The following IPO11 variants were observed in gnomAD, a reference collection of about 807,000 sequenced individuals.
IPO11 encodes the protein importin 11.
IPO11 carries 66 observed loss-of-function variants against 143.2 expected under a neutral mutation model. That is an observed-to-expected ratio of 0.46 (90% CI 0.38 to 0.57). The LOEUF (loss-of-function observed/expected upper bound fraction) is 0.57, where lower values mean the gene tolerates loss of function less well. IPO11 is among the 20% of genes least tolerant of loss of function. The pLI is 0.00. For missense variants in IPO11, 1,026 were observed against 1,141.0 expected (o/e 0.90, Z 1.45); for synonymous variants, 385 against 377.8 (o/e 1.02, Z -0.22).
chr5:62,439,284 G>GTTTTTTTTTTTTTTTTTTTTT (rs1226593063), intron 2 of IPO11, among the ~76,000 whole-genome samples: 4 of 90,924 alleles, frequency 4.4e-5, no homozygotes, highest in African/African-American at 8.9e-5. Flanking sequence ...AACTGCGTAG[G>GTTTTTTTTTTTTTTTTTTTTT]TTTTTTTTTT....
intron 16 of IPO11, among the ~76,000 whole-genome samples, chr5:62,503,403 A>ATAGTATCTATTAATATATTG (rs1210037859): frequency 6.8e-6 from 1 of 147,510 alleles, no homozygotes; most frequent in African/African-American, 2.5e-5. Context: ...TTAATATATT[A>ATAGTATCTATTAATATATTG]ATAGTATCTA....
At chr5:62,531,362 G>T (rs934226713) in intron 22 of IPO11, among the ~76,000 whole-genome samples, 2 of 152,118 alleles carry the variant, frequency 1.3e-5, no homozygotes, top group African/African-American at 4.8e-5. Context: ...TGGAGATGGA[G>T]TTTCACTCTT....
At chr5:62,475,561 C>T (rs1745927930) in intron 8 of IPO11, among the ~76,000 whole-genome samples, 1 of 152,194 alleles carries the variant, frequency 6.6e-6, no homozygotes, top group South Asian at 2.1e-4. Context: ...ATTTCTACTG[C>T]AGCTACCCCT....
intron 19 of IPO11, 32 bp downstream of exon 19, chr5:62,506,389 A>T: frequency 4.2e-4 from 370 of 890,288 alleles, no homozygotes; most frequent in Non-Finnish European, 6.1e-4. Flanking sequence ...AAAATAAATG[A>T]GGGGTGGGTA....
At chr5:62,619,586 G>A (rs1276477572) in intron 29 of IPO11, among the ~76,000 whole-genome samples, 1 of 152,122 alleles carries the variant, frequency 6.6e-6, no homozygotes, top group African/African-American at 2.4e-5. Flanking sequence ...GGGCGTGGTG[G>A]CTCACGCTTG....
At chr5:62,575,819 T>TA (rs1744295941) in intron 27 of IPO11, 1 of 152,234 alleles carries the variant, frequency 6.6e-6, no homozygotes, top group Non-Finnish European at 1.5e-5. Flanking sequence ...TTGCAACTGA[T>TA]AAGAGGTCTA....
At chr5:62,545,450 A>T (rs1743134763) in intron 24 of IPO11, among the ~76,000 whole-genome samples, 1 of 152,218 alleles carries the variant, frequency 6.6e-6, no homozygotes, top group South Asian at 2.1e-4. Flanking sequence ...AAATTAATTC[A>T]AGATGGATTA....
At chr5:62,619,086 G>A (rs893644227) in intron 29 of IPO11, among the ~76,000 whole-genome samples, 8 of 152,010 alleles carry the variant, frequency 5.3e-5, no homozygotes, top group African/African-American at 1.7e-4. Flanking sequence ...AGCCAGGCAT[G>A]GTATTGCACG....
intron 1 of IPO11, among the ~76,000 whole-genome samples, chr5:62,428,133 C>T (rs1743827726): frequency 6.6e-6 from 1 of 152,142 alleles, no homozygotes; most frequent in Non-Finnish European, 1.5e-5. Context: ...CATTCTTTCA[C>T]CTTGCTTTAA....
Position 62,490,104 on chromosome 5 carries a change from T to A in IPO11, c.1358-11T>A. ...AAACCTTTAATTTTTTTTCTTAAAT[T>A]TTCTTCTCAGTGTATAATGCTGTTG... is the stretch of plus-strand genomic sequence containing the variant. On this transcript the variant is annotated splice_polypyrimidine_tract_variant and intron_variant, in intron 14 of 29. Transcript: ENST00000325324. 1 of 1,525,964 alleles carries A rather than the reference T, an allele frequency of 6.6e-7. No individual in the cohort carries two copies. Among genetic ancestry groups the A allele is most frequent in the Non-Finnish European group, 8.8e-7 (1 of 1,136,454 alleles). 94.5% of individuals were successfully genotyped at this position (1,525,964 alleles called of 1,614,324 possible). A position where few individuals can be genotyped will look rare whatever the true frequency, so the allele number is the denominator to read the frequency against.
chr5:62,566,708 A>G (rs1199263989), intron 27 of IPO11, among the ~76,000 whole-genome samples: 1 of 151,122 alleles, frequency 6.6e-6, no homozygotes, highest in East Asian at 1.9e-4. Flanking sequence ...ACTGCACTCC[A>G]GCCTGGGTGA....
intron 5 of IPO11, among the ~76,000 whole-genome samples, chr5:62,459,689 T>C (rs1191530594): frequency 1.3e-5 from 2 of 152,118 alleles, no homozygotes; most frequent in Non-Finnish European, 2.9e-5. Flanking sequence ...TAGCTGGGAC[T>C]ACAGGCGTGT....
chr5:62,528,570 A>C (rs1026079337), intron 21 of IPO11, among the ~76,000 whole-genome samples: 2 of 152,124 alleles, frequency 1.3e-5, no homozygotes, highest in Non-Finnish European at 2.9e-5. Context: ...TTCAGAGCTC[A>C]AGTGGAGGGG....
chr5:62,439,966 T>C (rs925446994), intron 2 of IPO11, among the ~76,000 whole-genome samples: 2 of 152,234 alleles, frequency 1.3e-5, no homozygotes, highest in Non-Finnish European at 2.9e-5. Flanking sequence ...TTGACTTTTC[T>C]TATTTTTGTA....
At chr5:62,548,278 C>T (rs1743276002) in intron 24 of IPO11, among the ~76,000 whole-genome samples, 5 of 152,106 alleles carry the variant, frequency 3.3e-5, no homozygotes, top group Admixed American at 3.3e-4. Flanking sequence ...ACTAAACTGT[C>T]TGACAGATGT....
At chr5:62,485,079 T>C (rs1376938556) in intron 11 of IPO11, among the ~76,000 whole-genome samples, 1 of 152,208 alleles carries the variant, frequency 6.6e-6, no homozygotes, top group East Asian at 1.9e-4. Flanking sequence ...ATGATTACTG[T>C]ATTGAAATGA....
intron 29 of IPO11, among the ~76,000 whole-genome samples, chr5:62,605,803 C>T (rs1231057575): frequency 6.6e-6 from 1 of 151,690 alleles, no homozygotes; most frequent in Non-Finnish European, 1.5e-5. Flanking sequence ...TGGGTGCAAA[C>T]ATGGTTTACT....
At position 62,442,964 on chromosome 5, in the gene IPO11, TTA is replaced by T. The variant is rs1561312697; in HGVS notation, c.139-17_139-16del. ...TACTTATTCCATGCTAATTCTAATA[TTA>T]TGTTTTTTATTTATAGAATATTTTC... On this transcript the variant is annotated splice_polypyrimidine_tract_variant and intron_variant, in intron 2 of 29. Transcript: ENST00000325324. 2 of 1,372,140 alleles carry T rather than the reference TTA, an allele frequency of 1.5e-6. No individual in the cohort carries two copies. Among genetic ancestry groups the T allele is most frequent in the South Asian group, 2.4e-5 (2 of 81,900 alleles). The allele number at this position is 1,372,140 out of a possible 1,614,324, so 85.0% of individuals were successfully genotyped here. A position where few individuals can be genotyped will look rare whatever the true frequency, so the allele number is the denominator to read the frequency against.
intron 29 of IPO11, among the ~76,000 whole-genome samples, chr5:62,621,213 G>A (rs1365204289): frequency 6.6e-6 from 1 of 152,158 alleles, no homozygotes; most frequent in Non-Finnish European, 1.5e-5. Context: ...AAGAAGAGAC[G>A]AAATTCAGAA....
Sources: gnomAD v4.1 joint callset for allele counts (sites outside exome capture counted in the v4.1 genomes callset) on GRCh38, gnomAD v4.1.1 for gene constraint, MANE v1.5 for transcripts, NCBI Gene and HGNC (gene_info 2026-07-23, HGNC 2026-07-21) for gene names.